ANKS1B: variants seen among roughly 807,000 people sequenced by gnomAD.
The protein encoded by ANKS1B is ankyrin repeat and sterile alpha motif domain-containing protein 1B.
In ANKS1B, 36 loss-of-function variants were observed where a neutral mutation model predicts 148.3. The ratio of observed to expected loss-of-function variants is 0.24; its 90% CI spans 0.19 to 0.32. The LOEUF is 0.32. Ranked by LOEUF, ANKS1B falls within the 10% of genes least tolerant of loss-of-function variation. ANKS1B has a pLI of 1.00. For missense variants in ANKS1B, 1,157 were observed against 1,542.6 expected, an observed-to-expected ratio of 0.75 and a Z score of 4.19; for synonymous variants, 542 against 560.8, an observed-to-expected ratio of 0.97 and a Z score of 0.47.
intron 12 of ANKS1B, among the ~76,000 whole-genome samples, chr12:99,293,244 C>T (rs2080299084): frequency 6.6e-6 from 1 of 151,658 alleles, no homozygotes; most frequent in African/African-American, 2.4e-5. Context: ...AGCAAACTAT[C>T]ACAAGGACAG....
intron 8 of ANKS1B, among the ~76,000 whole-genome samples, chr12:99,672,470 T>A (rs1253284967): frequency 6.6e-6 from 1 of 152,112 alleles, no homozygotes; most frequent in Non-Finnish European, 1.5e-5. Flanking sequence ...AGTTACAACA[T>A]CACCAGGGAA....
At chr12:99,171,597 A>T (rs2077763297) in intron 14 of ANKS1B, among the ~76,000 whole-genome samples, 3 of 152,200 alleles carry the variant, frequency 2.0e-5, no homozygotes, top group Admixed American at 2.0e-4. Context: ...AGCACTTAAG[A>T]AATACCAGCC....
At chr12:98,845,860 T>C (rs1247428069) in intron 17 of ANKS1B, among the ~76,000 whole-genome samples, 3 of 152,090 alleles carry the variant, frequency 2.0e-5, no homozygotes, top group Non-Finnish European at 1.5e-5. Context: ...ATGATATGCA[T>C]ACAGAATGTA....
intron 15 of ANKS1B, among the ~76,000 whole-genome samples, chr12:99,105,931 T>A (rs2059111912): frequency 6.6e-6 from 1 of 152,164 alleles, no homozygotes; most frequent in African/African-American, 2.4e-5. Context: ...GTGACCTGAT[T>A]TTGAAGAGGC....
At position 98,782,106 on chromosome 12, in the gene ANKS1B, A is replaced by G; in HGVS notation, c.3354+20T>C. On this transcript the variant is annotated intron_variant, in intron 23 of 26. Coordinates refer to ENST00000683438, the MANE Select transcript of ANKS1B (RefSeq NM_001352186.2). Reference sequence around the variant, plus strand: ...TATATATACTAGTAATAATCACACTAAACATCAAGAAGAACCTACCTGACA... The same window carrying G: ...TATATATACTAGTAATAATCACACTGAACATCAAGAAGAACCTACCTGACA... The G allele has an allele frequency of 6.3e-7, 1 of 1,592,778 alleles. No homozygotes were observed. Among genetic ancestry groups the G allele is most frequent in the South Asian group, 1.1e-5 (1 of 87,408 alleles).
intron 14 of ANKS1B, among the ~76,000 whole-genome samples, chr12:99,229,909 A>G (rs2153950274): frequency 6.6e-6 from 1 of 152,156 alleles, no homozygotes; most frequent in East Asian, 1.9e-4. Flanking sequence ...TCAAGTAAGC[A>G]TCATTCCTAT....
At chr12:99,035,462 G>T (rs2099954948) in intron 17 of ANKS1B, among the ~76,000 whole-genome samples, 2 of 151,918 alleles carry the variant, frequency 1.3e-5, no homozygotes, top group Non-Finnish European at 2.9e-5. Flanking sequence ...CCTTTTTTTG[G>T]TCCAATAATA....
chr12:99,634,052 A>G (rs1464777735), intron 9 of ANKS1B, among the ~76,000 whole-genome samples: 1 of 152,172 alleles, frequency 6.6e-6, no homozygotes, highest in Non-Finnish European at 1.5e-5. Flanking sequence ...TTATGTGAGA[A>G]GGACATCAGT....
chr12:99,506,211 A>C (rs1453772511), intron 9 of ANKS1B, among the ~76,000 whole-genome samples: 1 of 152,074 alleles, frequency 6.6e-6, no homozygotes, highest in Non-Finnish European at 1.5e-5. Context: ...ACTTTTATAA[A>C]GTATGCCTCA....
At chr12:99,562,555 G>T (rs1383944780) in intron 9 of ANKS1B, among the ~76,000 whole-genome samples, 1 of 152,214 alleles carries the variant, frequency 6.6e-6, no homozygotes, top group Admixed American at 6.5e-5. Flanking sequence ...AAGGAAAGAG[G>T]TTTAATTGAC....
At chr12:99,356,535 C>T (rs544828386) in intron 12 of ANKS1B, among the ~76,000 whole-genome samples, 5 of 152,106 alleles carry the variant, frequency 3.3e-5, no homozygotes, top group Non-Finnish European at 5.9e-5. Context: ...ACGTTGTACA[C>T]GCTGGCAAAG....
At chr12:99,397,541 T>A (rs1414634829) in intron 12 of ANKS1B, among the ~76,000 whole-genome samples, 3 of 152,132 alleles carry the variant, frequency 2.0e-5, no homozygotes, top group African/African-American at 7.2e-5. Context: ...TTGATAGAAG[T>A]GACTAGAGTG....
chr12:99,206,015 T>C (rs2082625558), intron 14 of ANKS1B, among the ~76,000 whole-genome samples: 1 of 152,144 alleles, frequency 6.6e-6, no homozygotes, highest in South Asian at 2.1e-4. Context: ...TGGGCATGAT[T>C]TGGGCACTTG....
At chr12:99,331,091 TATA>T (rs1177062399) in intron 12 of ANKS1B, among the ~76,000 whole-genome samples, 1 of 151,998 alleles carries the variant, frequency 6.6e-6, no homozygotes, top group East Asian at 1.9e-4. Context: ...AATACAAGTT[TATA>T]ATTTTATTTT....
intron 25 of ANKS1B, among the ~76,000 whole-genome samples, chr12:98,767,678 G>T (rs2098503402): frequency 6.6e-6 from 1 of 152,214 alleles, no homozygotes; most frequent in African/African-American, 2.4e-5. Flanking sequence ...TATTGAATGA[G>T]GCTCTTCTCA....
At chr12:99,018,637 G>A (rs980210895) in intron 17 of ANKS1B, among the ~76,000 whole-genome samples, 3 of 152,120 alleles carry the variant, frequency 2.0e-5, no homozygotes, top group Non-Finnish European at 1.5e-5. Flanking sequence ...CACATTTACT[G>A]ATGGTTAATC....
intron 12 of ANKS1B, among the ~76,000 whole-genome samples, chr12:99,343,364 T>C (rs2090202988): frequency 6.6e-6 from 1 of 152,096 alleles, no homozygotes; most frequent in Middle Eastern, 3.2e-3. Context: ...TTTTTACACA[T>C]ATATCTGAAC....
Position 99,011,155 on chromosome 12 carries a change from AT to A in ANKS1B, c.2778+42001del, listed in dbSNP as rs1428523862. On this transcript the variant is annotated intron_variant, in intron 17 of 26. Transcript: ENST00000683438. Reference sequence around the variant, plus strand: ...TATCCCTGCAGTCAGTGGACTTTTAATCCAGATACCTTGGCTGAGCAGGCTC... The same window carrying A: ...TATCCCTGCAGTCAGTGGACTTTTAACCAGATACCTTGGCTGAGCAGGCTC... 2.0e-5 allele frequency among the ~76,000 whole-genome samples: 3 copies of A among 152,154 alleles called. No homozygotes were observed. In the South Asian group the frequency reaches 6.2e-4, roughly 32 times the overall value.
chr12:99,114,880 A>T (rs976994659), intron 15 of ANKS1B, among the ~76,000 whole-genome samples: 35 of 152,206 alleles, frequency 2.3e-4, no homozygotes, highest in Non-Finnish European at 2.9e-5. Flanking sequence ...AAAAAAGCTC[A>T]TTATCACTGA....
Sources: gnomAD v4.1 joint callset for allele counts (sites outside exome capture counted in the v4.1 genomes callset) on GRCh38, gnomAD v4.1.1 for gene constraint, MANE v1.5 for transcripts, NCBI Gene and HGNC (gene_info 2026-07-23, HGNC 2026-07-21) for gene names.